Variants in RBFOX1 observed in about 807,000 individuals in gnomAD.
RBFOX1 encodes RNA binding fox-1 homolog 1.
In RBFOX1, 8 loss-of-function variants were observed where a neutral mutation model predicts 57.7. The ratio of observed to expected loss-of-function variants is 0.14; its 90% CI spans 0.08 to 0.25. The LOEUF (loss-of-function observed/expected upper bound fraction) is 0.25, where lower values mean the gene tolerates loss of function less well. Among genes scored for constraint, RBFOX1 ranks in the 10% least tolerant of loss-of-function variants. The probability of loss-of-function intolerance (pLI) is 1.00; values close to 1 mark genes in which losing one functional copy is unlikely to be tolerated. For missense variants in RBFOX1, 611 were observed against 548.5 expected (o/e 1.11, Z -1.14); for synonymous variants, 326 against 222.4 (o/e 1.47, Z -4.15).
chr16:6,078,671 C>T (rs2095949414), intron 1 of RBFOX1, among the ~76,000 whole-genome samples: 1 of 126,112 alleles, frequency 7.9e-6, no homozygotes. Flanking sequence ...TGAGACAAGG[C>T]AGGGCATCGT....
At chr16:6,654,133 CAATG>C (rs2098628142) in intron 2 of RBFOX1, among the ~76,000 whole-genome samples, 2 of 150,610 alleles carry the variant, frequency 1.3e-5, no homozygotes, top group Admixed American at 1.3e-4. Flanking sequence ...GGTAGAGGAC[CAATG>C]AATGAATGGA....
chr16:5,749,607 T>G (rs1296237892), intron 3 of RBFOX1, among the ~76,000 whole-genome samples: 1 of 152,222 alleles, frequency 6.6e-6, no homozygotes, highest in African/African-American at 2.4e-5. Flanking sequence ...TCGCTTCATT[T>G]CATTCATTTG....
intron 4 of RBFOX1, among the ~76,000 whole-genome samples, chr16:7,504,729 ATATATATATATATATATATATAT>A (rs2072295415): frequency 1.4e-4 from 1 of 7,124 alleles, no homozygotes; most frequent in South Asian, 6.3e-3. Flanking sequence ...ATATATATAT[ATATATATATATATATATATATAT>A]ATTTATATAT....
At chr16:7,180,179 A>C (rs566415750) in intron 4 of RBFOX1, among the ~76,000 whole-genome samples, 1 of 152,170 alleles carries the variant, frequency 6.6e-6, no homozygotes, top group Non-Finnish European at 1.5e-5. Context: ...TAATATAATA[A>C]TATCCAAAGA....
intron 3 of RBFOX1, among the ~76,000 whole-genome samples, chr16:6,701,642 A>G (rs762014976): frequency 2.0e-5 from 3 of 152,154 alleles, no homozygotes; most frequent in Non-Finnish European, 4.4e-5. Context: ...ATAAAGGCGT[A>G]CGTACACCTG....
intron 1 of RBFOX1, among the ~76,000 whole-genome samples, chr16:6,100,330 T>G (rs2096289809): frequency 6.6e-6 from 1 of 152,066 alleles, no homozygotes; most frequent in Non-Finnish European, 1.5e-5. Context: ...GCCTGGCTAA[T>G]GTTTTGTATT....
In RBFOX1 at chr16:5,946,342, A is replaced by G. The variant is rs17138973; in HGVS notation, c.351+79007A>G. ...CTAAATGGATGTGAGTGTGTCTTCA[A>G]TGATTTACTTCTCCATTCCTTTTCT... On this transcript the variant is annotated intron_variant, in intron 4 of 19. Coordinates refer to the RBFOX1 transcript ENST00000641259. This position sits in a 1 kb window ranked among gnomAD's most constrained non-coding sequence, Gnocchi z 4.6. 0.27 allele frequency among the ~76,000 whole-genome samples: 40,884 copies of G among 152,088 alleles called. 5,950 individuals are homozygous for G. The highest frequency in any genetic ancestry group is 0.45 in the Middle Eastern group (130 of 292).
chr16:7,563,230 G>A (rs1395442352), intron 5 of RBFOX1, among the ~76,000 whole-genome samples: 1 of 152,166 alleles, frequency 6.6e-6, no homozygotes, highest in Non-Finnish European at 1.5e-5. Context: ...TCTTCTCGAT[G>A]CTGGTTATTA....
intron 3 of RBFOX1, among the ~76,000 whole-genome samples, chr16:6,820,798 T>A (rs1478748263): frequency 1.3e-5 from 2 of 152,178 alleles, no homozygotes; most frequent in African/African-American, 4.8e-5. Context: ...GGCCTGTGAA[T>A]GAGCACAGAT....
At chr16:5,416,116 A>T (rs977193537) in intron 1 of RBFOX1, among the ~76,000 whole-genome samples, 11 of 152,344 alleles carry the variant, frequency 7.2e-5, no homozygotes, top group African/African-American at 2.4e-4. Context: ...CGTTTATGAG[A>T]GTTGACATGA....
chr16:7,343,099 T>G (rs2096928897), intron 4 of RBFOX1, among the ~76,000 whole-genome samples: 1 of 152,034 alleles, frequency 6.6e-6, no homozygotes, highest in African/African-American at 2.4e-5. Flanking sequence ...GGGGACAGAC[T>G]CTTTAGGACC....
chr16:6,853,772 C>G (rs1351600958), intron 3 of RBFOX1, among the ~76,000 whole-genome samples: 3 of 152,142 alleles, frequency 2.0e-5, no homozygotes, highest in Admixed American at 6.5e-5. Flanking sequence ...AGGAGCTGCA[C>G]TCTGACCTCA....
At chr16:7,004,535 C>A (rs760584838) in intron 3 of RBFOX1, among the ~76,000 whole-genome samples, 2 of 152,172 alleles carry the variant, frequency 1.3e-5, no homozygotes, top group African/African-American at 4.8e-5. Flanking sequence ...GAGACCATCT[C>A]TTTGTCATGG....
chr16:6,306,486 C>T (rs770036178), intron 1 of RBFOX1, among the ~76,000 whole-genome samples: 1 of 152,162 alleles, frequency 6.6e-6, no homozygotes, highest in African/African-American at 2.4e-5. Context: ...TGTAAGAAGT[C>T]TACTGATTTC....
chr16:6,469,889 C>T (rs76584444), intron 2 of RBFOX1, among the ~76,000 whole-genome samples: 1,790 of 152,218 alleles, frequency 0.012, 23 homozygotes, highest in African/African-American at 0.036. Flanking sequence ...CCTTACAATC[C>T]TATATTGTAT....
At chr16:5,796,774 A>G (rs1240412948) in intron 3 of RBFOX1, among the ~76,000 whole-genome samples, 6 of 152,186 alleles carry the variant, frequency 3.9e-5, no homozygotes, top group African/African-American at 1.4e-4. Flanking sequence ...ATTCAACCCC[A>G]GCTCTGTTTG....
At chr16:6,639,752 G>A (rs913996873) in intron 2 of RBFOX1, among the ~76,000 whole-genome samples, 12 of 152,206 alleles carry the variant, frequency 7.9e-5, no homozygotes, top group South Asian at 6.2e-4. Flanking sequence ...GGTGTTGGGC[G>A]CCTGTAGTCC....
At chr16:5,844,716 T>C (rs2056709001) in intron 3 of RBFOX1, among the ~76,000 whole-genome samples, 1 of 152,230 alleles carries the variant, frequency 6.6e-6, no homozygotes, top group Non-Finnish European at 1.5e-5. Context: ...GATTAGTCAT[T>C]ATTAAACATT....
intron 4 of RBFOX1, among the ~76,000 whole-genome samples, chr16:7,089,162 C>A (rs1253565950): frequency 6.6e-6 from 1 of 152,130 alleles, no homozygotes; most frequent in Non-Finnish European, 1.5e-5. Context: ...CAATTTAGTA[C>A]AATGAATTCT....
Sources: allele counts gnomAD v4.1 joint callset (sites outside exome capture counted in the v4.1 genomes callset), GRCh38; gene constraint gnomAD v4.1.1; non-coding constraint Gnocchi (gnomAD v3.1); transcripts MANE v1.5; gene names NCBI Gene and HGNC (gene_info 2026-07-23, HGNC 2026-07-21).